The following SANBR variants were observed in gnomAD, a reference collection of about 807,000 sequenced individuals.
SANBR encodes SANT and BTB domain regulator of CSR, also known as SANT and BTB domain regulator of class switch recombination.
Under a neutral mutation model 101.8 loss-of-function variants are expected in SANBR, and 77 were observed. That is an observed-to-expected ratio of 0.76 (90% CI 0.63 to 0.91). The LOEUF is 0.91. SANBR is among the 40% of genes least tolerant of loss of function. SANBR has a pLI of 0.00. For missense variants in SANBR, 875 were observed against 853.0 expected, an observed-to-expected ratio of 1.03 and a Z score of -0.32; for synonymous variants, 279 against 274.7, an observed-to-expected ratio of 1.02 and a Z score of -0.15.
intron 6 of SANBR, among the ~76,000 whole-genome samples, chr2:61,079,871 G>A (rs949045547): frequency 2.0e-5 from 3 of 151,448 alleles, no homozygotes; most frequent in Admixed American, 2.0e-4. Flanking sequence ...CTGCACTCCA[G>A]CCTGGCAACA....
intron 16 of SANBR, among the ~76,000 whole-genome samples, chr2:61,112,919 A>G (rs1422278786): frequency 6.6e-6 from 1 of 152,208 alleles, no homozygotes; most frequent in East Asian, 1.9e-4. Context: ...TCAAAGTCAC[A>G]AAGATTTTCT....
At chr2:61,099,950 A>G (rs78683728) in intron 12 of SANBR, among the ~76,000 whole-genome samples, 2 of 152,158 alleles carry the variant, frequency 1.3e-5, no homozygotes, top group African/African-American at 4.8e-5. Context: ...ATTTTGGTGG[A>G]GTGCTAGATC....
intron 16 of SANBR, among the ~76,000 whole-genome samples, chr2:61,112,887 A>AT (rs1303073866): frequency 6.6e-6 from 1 of 152,224 alleles, no homozygotes; most frequent in Non-Finnish European, 1.5e-5. Flanking sequence ...ATTATTTAAT[A>AT]GCTAAGAAGT....
chr2:61,077,092 A>T lies in SANBR; in HGVS notation c.604A>T (p.Asn202Tyr). 2 of 1,614,154 alleles carry T rather than the reference A, an allele frequency of 1.2e-6. No homozygotes were observed. Among genetic ancestry groups the T allele is most frequent in the Non-Finnish European group, 1.7e-6 (2 of 1,179,996 alleles). ...ISVHCDVHIF[N>Y]WLIKYIKRNT... ...AGTTCATTGCGACGTTCACATTTTC[A>T]ACTGGTTGATAAAATACATTAAAAG... The change falls in exon 6 of 22, where the codon AAC becomes TAC. Residue 202 changes from asparagine (N) to tyrosine (Y), a missense_variant. Coordinates refer to ENST00000402291, the MANE Select transcript of SANBR (RefSeq NM_001129993.3).
intron 21 of SANBR, among the ~76,000 whole-genome samples, chr2:61,137,190 C>G (rs1220537436): frequency 2.6e-5 from 4 of 151,800 alleles, no homozygotes; most frequent in Non-Finnish European, 5.9e-5. Flanking sequence ...AGGTGGGAGG[C>G]TCACTTAAGC....
chr2:61,073,421 C>CTTT, intron 4 of SANBR, 37 bp from the exon 5 acceptor site: 23 of 870,240 alleles, frequency 2.6e-5, no homozygotes, highest in East Asian at 6.5e-5. Flanking sequence ...TAACCCCCAC[C>CTTT]TTTTTTTTTT....
intron 20 of SANBR, among the ~76,000 whole-genome samples, chr2:61,132,470 T>C (rs1253154152): frequency 2.6e-5 from 4 of 152,156 alleles, no homozygotes; most frequent in African/African-American, 7.2e-5. Flanking sequence ...CAGTGAGATA[T>C]CACTTTAACG....
At chr2:61,079,156 T>C (rs776975794) in intron 6 of SANBR, among the ~76,000 whole-genome samples, 7 of 152,206 alleles carry the variant, frequency 4.6e-5, no homozygotes, top group Non-Finnish European at 7.3e-5. Context: ...TAATTTCTAA[T>C]GTGATAAATA....
At chr2:61,077,808 A>AAT (rs1439632650) in intron 6 of SANBR, among the ~76,000 whole-genome samples, 1 of 152,220 alleles carries the variant, frequency 6.6e-6, no homozygotes, top group Non-Finnish European at 1.5e-5. Context: ...CTGCTCTTTT[A>AAT]AAAATTGAAG....
chr2:61,090,121 G>C (rs1682662307), intron 10 of SANBR, among the ~76,000 whole-genome samples: 1 of 152,186 alleles, frequency 6.6e-6, no homozygotes, highest in African/African-American at 2.4e-5. Context: ...CTGAACTGCA[G>C]TCTGGACAAC....
chr2:61,102,420 CA>C (rs1245162723), intron 12 of SANBR, among the ~76,000 whole-genome samples: 1 of 136,542 alleles, frequency 7.3e-6, no homozygotes, highest in South Asian at 2.4e-4. Context: ...GCACTTCAGA[CA>C]AAAAAACAGT....
intron 3 of SANBR, 26 bp from the exon 4 acceptor site, chr2:61,071,578 CTG>C (rs1681473747): frequency 1.4e-6 from 2 of 1,417,600 alleles, no homozygotes; most frequent in South Asian, 2.9e-5. Context: ...TCCCAAACCT[CTG>C]TTTCTTTCAT....
intron 6 of SANBR, among the ~76,000 whole-genome samples, chr2:61,080,868 TCTTTC>T (rs1682085577): frequency 6.6e-6 from 1 of 152,236 alleles, no homozygotes; most frequent in East Asian, 1.9e-4. Flanking sequence ...AACAGAGTTT[TCTTTC>T]CTTAAACATA....
At chr2:61,132,081 A>C (rs1032090792) in intron 20 of SANBR, among the ~76,000 whole-genome samples, 8 of 152,114 alleles carry the variant, frequency 5.3e-5, no homozygotes, top group Non-Finnish European at 1.2e-4. Flanking sequence ...ACAAGAAAGC[A>C]TAGGGGTAAA....
intron 2 of SANBR, among the ~76,000 whole-genome samples, chr2:61,070,064 T>C (rs1681380980): frequency 6.6e-6 from 1 of 152,200 alleles, no homozygotes. Context: ...AATTGGGGAC[T>C]CTGTCTCTAA....
At chr2:61,089,920 A>G (rs1475479084) in intron 10 of SANBR, among the ~76,000 whole-genome samples, 1 of 152,008 alleles carries the variant, frequency 6.6e-6, no homozygotes, top group Admixed American at 6.6e-5. Flanking sequence ...TATTCTCAGC[A>G]TTTTGGGAGG....
In SANBR at chr2:61,073,166, A is replaced by G. The variant is rs1681573277; in HGVS notation, c.338-292A>G. Among the ~76,000 whole-genome samples the G allele has an allele frequency of 2.6e-5, 4 of 152,164 alleles. No individual in the cohort carries two copies. In the South Asian group the frequency reaches 8.3e-4, roughly 32 times the overall value. On this transcript the variant is annotated intron_variant, in intron 4 of 21. Transcript: ENST00000402291. ...ATTGATGTAAAAATTTGCTTCAGAA[A>G]GAGAAAACTATGCTGTTGGCATTTG...
chr2:61,089,604 G>C (rs1456735935), intron 10 of SANBR: 1 of 152,420 alleles, frequency 6.6e-6, no homozygotes, highest in East Asian at 1.9e-4. Flanking sequence ...GAACCCGGGA[G>C]GTGGAGGTTG....
At chr2:61,096,321 A>C (rs1214472726) in intron 11 of SANBR, among the ~76,000 whole-genome samples, 1 of 152,144 alleles carries the variant, frequency 6.6e-6, no homozygotes, top group Non-Finnish European at 1.5e-5. Flanking sequence ...CCTAGCCCAC[A>C]AGGCTAACAG....
Sources: allele counts gnomAD v4.1 joint callset (sites outside exome capture counted in the v4.1 genomes callset), GRCh38; gene constraint gnomAD v4.1.1; transcripts MANE v1.5; gene names NCBI Gene and HGNC (gene_info 2026-07-23, HGNC 2026-07-21).